GRAMD2B: variants seen among roughly 807,000 people sequenced by gnomAD.
GRAMD2B encodes GRAM domain containing 2B.
Under a neutral mutation model 59.2 loss-of-function variants are expected in GRAMD2B, and 41 were observed. The ratio of observed to expected loss-of-function variants is 0.69; its 90% CI spans 0.54 to 0.90. GRAMD2B has a LOEUF of 0.90. Ranked by LOEUF, GRAMD2B falls within the 40% of genes least tolerant of loss-of-function variation. GRAMD2B has a pLI of 0.00. For missense variants in GRAMD2B, 424 were observed against 500.5 expected (o/e 0.85, Z 1.46); for synonymous variants, 161 against 182.7 (o/e 0.88, Z 0.96).
At chr5:126,488,512 G>C (rs938087250) in intron 12 of GRAMD2B, among the ~76,000 whole-genome samples, 1 of 152,168 alleles carries the variant, frequency 6.6e-6, no homozygotes, top group African/African-American at 2.4e-5. Flanking sequence ...AAGAAACCAC[G>C]TGCTTGAAAA....
At chr5:126,382,610 A>C (rs1161624618) in intron 1 of GRAMD2B, among the ~76,000 whole-genome samples, 1 of 152,032 alleles carries the variant, frequency 6.6e-6, no homozygotes, top group Admixed American at 6.6e-5. Flanking sequence ...ACATTTTAAA[A>C]ATTTCTTTAA....
upstream of GRAMD2B, among the ~76,000 whole-genome samples, chr5:126,419,324 GA>G (rs2149771644): frequency 6.6e-6 from 1 of 152,192 alleles, no homozygotes; most frequent in Non-Finnish European, 1.5e-5. Context: ...AGGTGAGAGA[GA>G]GAGAGAGAGC....
At chr5:126,436,230 A>G (rs1364649291) in intron 1 of GRAMD2B, among the ~76,000 whole-genome samples, 2 of 152,234 alleles carry the variant, frequency 1.3e-5, no homozygotes, top group Non-Finnish European at 2.9e-5. Context: ...AATTTACTTT[A>G]TATTCATTTA....
chr5:126,479,241 G>T (rs1244729025), intron 6 of GRAMD2B, among the ~76,000 whole-genome samples: 1 of 151,588 alleles, frequency 6.6e-6, no homozygotes, highest in Non-Finnish European at 1.5e-5. Flanking sequence ...GTCTTGCTAT[G>T]TTGCCAAGAG....
At chr5:126,405,383 T>A (rs115932872) in intron 1 of GRAMD2B, among the ~76,000 whole-genome samples, 1 of 151,912 alleles carries the variant, frequency 6.6e-6, no homozygotes, top group African/African-American at 2.4e-5. Flanking sequence ...ACAACTAAAT[T>A]ATCAGTTGTG....
At chr5:126,430,738 G>A (rs80154830) in intron 1 of GRAMD2B, among the ~76,000 whole-genome samples, 5,935 of 152,184 alleles carry the variant, frequency 0.039, 395 homozygotes, top group African/African-American at 0.13. Flanking sequence ...AAAGAAACAA[G>A]ATTGTAAGCA....
rs536384053 is a variant in GRAMD2B at position 126,442,195 on chromosome 5, C to T, written c.83+18506C>T. 2.6e-5 allele frequency among the ~76,000 whole-genome samples: 4 copies of T among 151,918 alleles called. No homozygotes were observed. In the East Asian group the frequency reaches 7.7e-4, roughly 29 times the overall value. On this transcript the variant is annotated intron_variant, in intron 1 of 13. Coordinates refer to ENST00000285689, the MANE Select transcript of GRAMD2B (RefSeq NM_023927.4). ...ACATTCACCCACTAACTCCTAATCT[C>T]ATCTTCACGTTCTTCACCTGAATAT...
chr5:126,429,179 T>C (rs1322521636), intron 1 of GRAMD2B, among the ~76,000 whole-genome samples: 2 of 152,080 alleles, frequency 1.3e-5, no homozygotes. Flanking sequence ...AAATATGGTA[T>C]ATATACACCA....
intron 12 of GRAMD2B, among the ~76,000 whole-genome samples, chr5:126,488,153 C>G (rs1382177571): frequency 3.3e-5 from 5 of 152,114 alleles, no homozygotes; most frequent in Non-Finnish European, 5.9e-5. Flanking sequence ...TACACTTGAA[C>G]TAATAAAATA....
Position 126,485,711 on chromosome 5 carries a change from A to T in GRAMD2B, c.996A>T (p.Leu332Phe), listed in dbSNP as rs745557278. The change falls in exon 11 of 14, where the codon TTA becomes TTT. Residue 332 changes from leucine to phenylalanine, a missense_variant. Leu to Phe is a conservative substitution (Grantham distance 22). Transcript: ENST00000285689. Reference protein sequence around the residue: ...VQGLSETVGILHKVKSQKCPM... With the variant: ...VQGLSETVGIFHKVKSQKCPM... Reference sequence around the variant, plus strand: ...GTCTGTCAGAAACTGTTGGAATCTTACATAAAGTCAAGTCTCAGAAATGTC... The same window carrying T: ...GTCTGTCAGAAACTGTTGGAATCTTTCATAAAGTCAAGTCTCAGAAATGTC... 1 of 1,612,522 alleles carries T rather than the reference A, an allele frequency of 6.2e-7. No homozygotes were observed. Among genetic ancestry groups the T allele is most frequent in the Non-Finnish European group, 8.5e-7 (1 of 1,179,114 alleles).
intron 1 of GRAMD2B, among the ~76,000 whole-genome samples, chr5:126,381,910 T>A (rs1755693151): frequency 1.3e-5 from 2 of 152,152 alleles, no homozygotes; most frequent in African/African-American, 4.8e-5. Context: ...TCCCTCAGCA[T>A]TTGTTTGTCT....
chr5:126,436,198 T>A (rs1286338917), intron 1 of GRAMD2B, among the ~76,000 whole-genome samples: 1 of 152,262 alleles, frequency 6.6e-6, no homozygotes, highest in Admixed American at 6.5e-5. Context: ...CCATTTCAAC[T>A]TAATAATTAT....
rs754398631 is a variant in GRAMD2B, at chr5:126,492,980, G to A, written c.*24G>A. Reference sequence around the variant, plus strand: ...GATCGACCAGATTGCTTGGGCCATCGGAATACCTCATGTTTCCCTTTGAAG... The same window carrying A: ...GATCGACCAGATTGCTTGGGCCATCAGAATACCTCATGTTTCCCTTTGAAG... On this transcript the variant is annotated 3_prime_UTR_variant, in exon 14 of 14. Coordinates refer to ENST00000285689, the MANE Select transcript of GRAMD2B (RefSeq NM_023927.4). 50 of 1,600,542 alleles carry A rather than the reference G, an allele frequency of 3.1e-5. 1 individual carries two copies. The highest frequency in any genetic ancestry group is 2.5e-4 in the East Asian group (11 of 44,792).
At chr5:126,426,094 C>A (rs1023991153) in intron 1 of GRAMD2B, among the ~76,000 whole-genome samples, 8 of 151,974 alleles carry the variant, frequency 5.3e-5, no homozygotes, top group African/African-American at 1.9e-4. Context: ...TATACCAAAA[C>A]ATTACCCTGT....
At chr5:126,465,323 T>A (rs1768114867) in intron 1 of GRAMD2B, 103 bp from the exon 2 acceptor site, 14 of 1,576,288 alleles carry the variant, frequency 8.9e-6, no homozygotes, top group Admixed American at 7.5e-5. Flanking sequence ...CAGTGAGGAA[T>A]GAAAATCATT....
Position 126,389,927 on chromosome 5 carries a change from A to G in GRAMD2B, c.125+18360A>G, listed in dbSNP as rs553135610. Among the ~76,000 whole-genome samples the G allele has an allele frequency of 4.5e-3, 687 of 152,294 alleles. 22 individuals are homozygous for G. The highest frequency in any genetic ancestry group is 1.2e-3 in the Non-Finnish European group (84 of 68,032). ...CATGCCACTGCACTCCAACCTGCGC[A>G]ACAGAGTGAGACTCTGTCTCAAAAA... On this transcript the variant is annotated intron_variant, in intron 1 of 8. Coordinates refer to the GRAMD2B transcript ENST00000506445.
chr5:126,389,777 G>A (rs764271558), intron 1 of GRAMD2B, among the ~76,000 whole-genome samples: 14 of 152,024 alleles, frequency 9.2e-5, no homozygotes, highest in East Asian at 1.9e-4. Flanking sequence ...GTAAAACCTC[G>A]TTCCTACTGA....
chr5:126,462,746 C>T (rs1767605644), intron 1 of GRAMD2B, among the ~76,000 whole-genome samples: 1 of 152,020 alleles, frequency 6.6e-6, no homozygotes, highest in Non-Finnish European at 1.5e-5. Context: ...AATTAGATGC[C>T]TAGTGAGTTA....
intron 1 of GRAMD2B, among the ~76,000 whole-genome samples, chr5:126,404,162 G>C (rs1474097788): frequency 6.6e-6 from 1 of 151,810 alleles, no homozygotes; most frequent in East Asian, 1.9e-4. Context: ...CCTGAAATCA[G>C]GAAATCCCAG....
Sources: allele counts gnomAD v4.1 joint callset (sites outside exome capture counted in the v4.1 genomes callset), GRCh38; gene constraint gnomAD v4.1.1; transcripts MANE v1.5; gene names NCBI Gene and HGNC (gene_info 2026-07-23, HGNC 2026-07-21).